Variants in SYK observed in about 807,000 individuals in gnomAD.
SYK encodes tyrosine-protein kinase SYK.
A neutral mutation model predicts 77.8 loss-of-function variants in SYK; 16 were observed. The observed-to-expected ratio is 0.21, with a 90% confidence interval of 0.14 to 0.31. The LOEUF is 0.31. SYK is among the 10% of genes least tolerant of loss of function. The pLI is 1.00. For missense variants in SYK, 529 were observed against 814.4 expected (o/e 0.65, Z 4.26); for synonymous variants, 312 against 308.7 (o/e 1.01, Z -0.11).
At chr9:90,821,630 A>G (rs1382809881) in intron 1 of SYK, among the ~76,000 whole-genome samples, 3 of 152,224 alleles carry the variant, frequency 2.0e-5, no homozygotes, top group Non-Finnish European at 2.9e-5. Flanking sequence ...GGGTGAGGAC[A>G]CAGCCAAACC....
In SYK at chr9:90,884,599, A is replaced by G. The variant is rs531608827; in HGVS notation, c.1582-3150A>G. Among the ~76,000 whole-genome samples, 90 of 58,236 alleles carry G rather than the reference A, an allele frequency of 1.5e-3. 14 individuals are homozygous for G. The highest frequency in any genetic ancestry group is 7.6e-3 in the African/African-American group (86 of 11,274). 38.2% of individuals were successfully genotyped at this position (58,236 alleles called of 152,430 possible). On this transcript the variant is annotated intron_variant, in intron 11 of 13. Transcript: ENST00000375754. ...TACATACACATACACATATGTGTAC[A>G]TGTACATATATACACATATACACAT...
At chr9:90,882,114 A>G (rs986479217) in intron 11 of SYK, among the ~76,000 whole-genome samples, 1 of 152,244 alleles carries the variant, frequency 6.6e-6, no homozygotes, top group Non-Finnish European at 1.5e-5. Flanking sequence ...TACACTACCT[A>G]TTTATGCATG....
chr9:90,875,995 G>A (rs1016281382), intron 9 of SYK, among the ~76,000 whole-genome samples: 6 of 152,158 alleles, frequency 3.9e-5, no homozygotes, highest in South Asian at 2.1e-4. Context: ...ACAGACATGC[G>A]TGCTTTCCGG....
intron 1 of SYK, among the ~76,000 whole-genome samples, chr9:90,842,455 T>G (rs1282820045): frequency 6.6e-6 from 1 of 151,434 alleles, no homozygotes; most frequent in East Asian, 1.9e-4. Context: ...GTGTGCGGTG[T>G]GTTTCATGTG....
rs753986815 is a variant in SYK, at chr9:90,862,299, G to A, written c.672G>A (p.Gly224=). Residue 224 remains glycine (G), a synonymous_variant, in exon 4 of 14, where the codon GGG becomes GGA. Coordinates refer to ENST00000375754, the MANE Select transcript of SYK (RefSeq NM_003177.7). ...ATCGCATCGACAAAGACAAGACAGGGAAGCTCTCCATCCCCGAGGGAAAGA... is the reference window on the plus strand; with the variant it reads ...ATCGCATCGACAAAGACAAGACAGGAAAGCTCTCCATCCCCGAGGGAAAGA... ...LHYRIDKDKT[G]KLSIPEGKKF... The A allele has an allele frequency of 1.9e-6, 3 of 1,614,174 alleles. No homozygotes were observed. The highest frequency in any genetic ancestry group is 2.5e-6 in the Non-Finnish European group (3 of 1,180,006).
intron 1 of SYK, among the ~76,000 whole-genome samples, chr9:90,836,286 CA>C (rs35155641): frequency 0.5 from 54,637 of 108,628 alleles, 9,833 homozygotes; most frequent in African/African-American, 0.55. Context: ...GACTTCATCT[CA>C]AAAAAAAAAA....
chr9:90,821,290 C>A (rs189196406), intron 1 of SYK, among the ~76,000 whole-genome samples: 6 of 152,312 alleles, frequency 3.9e-5, no homozygotes, highest in Admixed American at 3.9e-4. Context: ...ACACCCCACT[C>A]TTCTGGTACC....
At chr9:90,877,039 T>G (rs1713593934) in intron 9 of SYK, among the ~76,000 whole-genome samples, 1 of 152,206 alleles carries the variant, frequency 6.6e-6, no homozygotes, top group African/African-American at 2.4e-5. Context: ...AGTACTGTTC[T>G]TCACCATTCT....
chr9:90,803,781 C>A (rs577456887), intron 1 of SYK, among the ~76,000 whole-genome samples: 1 of 152,118 alleles, frequency 6.6e-6, no homozygotes, highest in African/African-American at 2.4e-5. Context: ...AATTTCAGAA[C>A]TGAGAAAGAC....
chr9:90,803,351 G>GA (rs1013212285), intron 1 of SYK, among the ~76,000 whole-genome samples: 42 of 151,928 alleles, frequency 2.8e-4, no homozygotes, highest in African/African-American at 7.5e-4. Context: ...TGAACACTAG[G>GA]AAAAAAGAGA....
intron 7 of SYK, among the ~76,000 whole-genome samples, chr9:90,872,167 A>C (rs1827755706): frequency 1.3e-5 from 2 of 152,210 alleles, no homozygotes; most frequent in Admixed American, 1.3e-4. Flanking sequence ...GTTCTGGTTT[A>C]ATTGGAACAA....
chr9:90,844,120 C>T lies in SYK; in HGVS notation c.222C>T (p.Tyr74=), dbSNP rs139316651. 2.3e-5 allele frequency: 37 copies of T among 1,613,516 alleles called. No homozygotes were observed. In the Admixed American group the frequency reaches 4.0e-4, roughly 17 times the overall value. Residue 74 remains tyrosine (Y), a synonymous_variant, in exon 2 of 14, where the codon TAC becomes TAT. Transcript: ENST00000375754. ...YTIERELNGT[Y]AIAGGRTHAS... ...TCGAGCGGGAGCTGAATGGCACCTA[C>T]GCCATCGCCGGTGGCAGGACCCATG...
intron 1 of SYK, among the ~76,000 whole-genome samples, chr9:90,825,938 C>A (rs1426695498): frequency 6.6e-6 from 1 of 152,108 alleles, no homozygotes; most frequent in African/African-American, 2.4e-5. Context: ...CAAACTTGAG[C>A]CTTTAAAATA....
chr9:90,807,272 T>A (rs1824874986), intron 1 of SYK, among the ~76,000 whole-genome samples: 1 of 152,220 alleles, frequency 6.6e-6, no homozygotes, highest in Non-Finnish European at 1.5e-5. Flanking sequence ...CCAAGCTCCT[T>A]AGGCTTTGCT....
chr9:90,846,102 A>T (rs1430004071), intron 3 of SYK, among the ~76,000 whole-genome samples: 1 of 152,216 alleles, frequency 6.6e-6, no homozygotes, highest in East Asian at 1.9e-4. Flanking sequence ...CACAGTCATT[A>T]GAGGGTCTGT....
intron 1 of SYK, among the ~76,000 whole-genome samples, chr9:90,825,794 T>C (rs1277008679): frequency 6.6e-6 from 1 of 152,110 alleles, no homozygotes; most frequent in African/African-American, 2.4e-5. Context: ...CAAGTAGGCA[T>C]GTGTGGGAGG....
intron 1 of SYK, among the ~76,000 whole-genome samples, chr9:90,831,237 A>G (rs1825880231): frequency 6.6e-6 from 1 of 152,138 alleles, no homozygotes; most frequent in African/African-American, 2.4e-5. Flanking sequence ...TGTGAACTAC[A>G]GGAAGTTGAG....
intron 1 of SYK, among the ~76,000 whole-genome samples, chr9:90,805,086 A>G (rs1411060064): frequency 6.6e-6 from 1 of 152,206 alleles, no homozygotes; most frequent in African/African-American, 2.4e-5. Flanking sequence ...TATTTTGTTT[A>G]TGTTACAGTA....
intron 13 of SYK, among the ~76,000 whole-genome samples, chr9:90,889,584 A>G (rs1390555450): frequency 6.6e-6 from 1 of 152,208 alleles, no homozygotes; most frequent in Non-Finnish European, 1.5e-5. Flanking sequence ...TGTGAGTGAC[A>G]GGGAAATAAT....
Sources: allele counts gnomAD v4.1 joint callset (sites outside exome capture counted in the v4.1 genomes callset), GRCh38; gene constraint gnomAD v4.1.1; transcripts MANE v1.5; gene names NCBI Gene and HGNC (gene_info 2026-07-23, HGNC 2026-07-21).